RIC1: variants seen among roughly 807,000 people sequenced by gnomAD.
RIC1 encodes the protein guanine nucleotide exchange factor subunit RIC1.
Under a neutral mutation model 169.0 loss-of-function variants are expected in RIC1, and 88 were observed. The ratio of observed to expected loss-of-function variants is 0.52; its 90% CI spans 0.44 to 0.62. RIC1 has a LOEUF of 0.62. Among genes scored for constraint, RIC1 ranks in the 20% least tolerant of loss-of-function variants. The pLI is 0.00. For missense variants in RIC1, 1,877 were observed against 1,725.5 expected, an observed-to-expected ratio of 1.09 and a Z score of -1.56; for synonymous variants, 790 against 601.5, an observed-to-expected ratio of 1.31 and a Z score of -4.59.
intron 7 of RIC1, among the ~76,000 whole-genome samples, chr9:5,736,345 G>A (rs1043155983): frequency 6.6e-6 from 1 of 152,110 alleles, no homozygotes; most frequent in Non-Finnish European, 1.5e-5. Flanking sequence ...CCAAGAAAAC[G>A]GACAAAAATA....
chr9:5,698,998 A>G (rs79554565), intron 3 of RIC1, among the ~76,000 whole-genome samples: 1 of 152,230 alleles, frequency 6.6e-6, no homozygotes, highest in Non-Finnish European at 1.5e-5. Context: ...AGATTGAGTC[A>G]TGTATCAAAT....
At chr9:5,649,620 C>T (rs1265005761) in intron 1 of RIC1, among the ~76,000 whole-genome samples, 1 of 151,960 alleles carries the variant, frequency 6.6e-6, no homozygotes, top group East Asian at 1.9e-4. Context: ...TGTTCTCTAT[C>T]TCACTGAGTG....
At chr9:5,698,122 C>G (rs1319308708) in intron 3 of RIC1, among the ~76,000 whole-genome samples, 2 of 152,202 alleles carry the variant, frequency 1.3e-5, no homozygotes, top group Non-Finnish European at 2.9e-5. Flanking sequence ...TTTTCTTTAG[C>G]TGGCACTTAA....
In RIC1 at chr9:5,687,297, T is replaced by A. The variant is rs184729987; in HGVS notation, c.253-2662T>A. ...CAAAAGAACCCCAGATTTTTATTCA[T>A]TGATTTTATTTTTCTGTTTTCTATT... is the stretch of plus-strand genomic sequence containing the variant. On this transcript the variant is annotated intron_variant, in intron 2 of 25. Coordinates refer to ENST00000414202, the MANE Select transcript of RIC1 (RefSeq NM_020829.4). Among the ~76,000 whole-genome samples, 691 of 152,268 alleles carry A rather than the reference T, an allele frequency of 4.5e-3. 19 individuals carry two copies. Among genetic ancestry groups the A allele is most frequent in the Admixed American group, 0.043 (658 of 15,294 alleles).
intron 2 of RIC1, among the ~76,000 whole-genome samples, chr9:5,677,845 T>G (rs1022366067): frequency 6.6e-6 from 1 of 152,160 alleles, no homozygotes; most frequent in Non-Finnish European, 1.5e-5. Flanking sequence ...TTACTCTTTT[T>G]TTTTAAATTT....
intron 2 of RIC1, among the ~76,000 whole-genome samples, chr9:5,662,147 A>G (rs1819490021): frequency 1.3e-5 from 2 of 152,212 alleles, no homozygotes; most frequent in Admixed American, 1.3e-4. Flanking sequence ...TGAATTGTGT[A>G]TGTTGAACCA....
At chr9:5,707,482 A>G (rs1822660779) in intron 3 of RIC1, among the ~76,000 whole-genome samples, 1 of 152,154 alleles carries the variant, frequency 6.6e-6, no homozygotes, top group Non-Finnish European at 1.5e-5. Flanking sequence ...AGTCTCCAAC[A>G]TTATTACACA....
intron 2 of RIC1, among the ~76,000 whole-genome samples, chr9:5,673,841 A>T (rs1056653173): frequency 2.0e-5 from 3 of 152,082 alleles, no homozygotes; most frequent in African/African-American, 7.2e-5. Context: ...TTAGAATCCA[A>T]TGCAGACATT....
chr9:5,684,294 C>A (rs1048583118), intron 2 of RIC1, among the ~76,000 whole-genome samples: 1 of 31,678 alleles, frequency 3.2e-5, no homozygotes, highest in African/African-American at 8.0e-5. Context: ...CCCCCCCCCC[C>A]CCCCCCCGCC....
At chr9:5,641,677 C>T (rs1228027179) in intron 1 of RIC1, among the ~76,000 whole-genome samples, 1 of 115,308 alleles carries the variant, frequency 8.7e-6, no homozygotes, top group African/African-American at 5.2e-5. Context: ...CTAATTCTTT[C>T]TTCTGCTTGA....
chr9:5,766,742 C>T (rs1237428060), intron 21 of RIC1, among the ~76,000 whole-genome samples: 2 of 152,188 alleles, frequency 1.3e-5, no homozygotes, highest in Admixed American at 6.5e-5. Flanking sequence ...TTTATCCACT[C>T]GTTGACTGAT....
intron 2 of RIC1, among the ~76,000 whole-genome samples, chr9:5,681,460 A>G (rs956066865): frequency 6.6e-6 from 1 of 152,026 alleles, no homozygotes; most frequent in Non-Finnish European, 1.5e-5. Flanking sequence ...GTTTTGAGTG[A>G]GTTTCTTAAT....
At chr9:5,722,748 C>T (rs771453250) in intron 6 of RIC1, among the ~76,000 whole-genome samples, 1 of 152,116 alleles carries the variant, frequency 6.6e-6, no homozygotes, top group African/African-American at 2.4e-5. Context: ...TGATGTTCCC[C>T]ACCTTGTGTC....
chr9:5,684,479 C>T (rs1380509893), intron 2 of RIC1, among the ~76,000 whole-genome samples: 1 of 152,052 alleles, frequency 6.6e-6, no homozygotes, highest in Non-Finnish European at 1.5e-5. Flanking sequence ...AGTATTTCAT[C>T]TCTTTTGCCA....
At position 5,732,423 on chromosome 9, in the gene RIC1, C is replaced by G; in HGVS notation, c.756C>G (p.Asp252Glu). The G allele has an allele frequency of 6.2e-7, 1 of 1,610,886 alleles. No homozygotes were observed. Among genetic ancestry groups the G allele is most frequent in the East Asian group, 2.2e-5 (1 of 44,688 alleles). Reference protein sequence around the residue: ...LHGVWPQDVVDGTCVAVNNKY... With the variant: ...LHGVWPQDVVEGTCVAVNNKY... ...GAGTTTGGCCACAAGATGTTGTTGA[C>G]GGAACGTGTGTAGCAGTAAATAACA... Residue 252 changes from aspartate (D) to glutamate (E), a missense_variant, in exon 7 of 26, where the codon GAC becomes GAG. By Grantham distance (45) the Asp-to-Glu change is conservative. Around this residue, in one of 3 missense-constraint regions of RIC1, gnomAD observed 1,104 missense variants for 992.0 expected, o/e 1.11. Transcript: ENST00000414202.
Position 5,720,720 on chromosome 9 carries a change from T to C in RIC1, c.690T>C (p.Ile230=), listed in dbSNP as rs1396346926. Residue 230 remains isoleucine (I), a synonymous_variant, in exon 6 of 26, where the codon ATT becomes ATC. Coordinates refer to ENST00000414202, the MANE Select transcript of RIC1 (RefSeq NM_020829.4). Reference sequence around the variant, plus strand: ...TTAATGATGGTAAAGTTGGATTTATTACACCAGTGTCAAGTAGATTTACTG... The same window carrying C: ...TTAATGATGGTAAAGTTGGATTTATCACACCAGTGTCAAGTAGATTTACTG... ...VVFNDGKVGF[I]TPVSSRFTAE... 2.5e-6 allele frequency: 4 copies of C among 1,611,140 alleles called. No individual in the cohort carries two copies. Among genetic ancestry groups the C allele is most frequent in the Non-Finnish European group, 2.5e-6 (3 of 1,178,896 alleles).
In RIC1 at chr9:5,753,612, C is replaced by A. The variant is rs781539842; in HGVS notation, c.1568C>A (p.Thr523Asn). Residue 523 changes from threonine to asparagine, a missense_variant, in exon 14 of 26, where the codon ACC becomes AAC. Transcript: ENST00000414202. ...KFGFAHYSLL[T>N]KKWKLFGNIT... is the part of the protein sequence containing the mutation. The stretch of plus-strand genomic sequence containing the variant: ...GGTTTTGCACATTACTCTTTACTCA[C>A]CAAAAAATGGAAACTTTTTGGAAAC... The A allele has an allele frequency of 1.2e-6, 2 of 1,606,116 alleles. No homozygotes were observed. The highest frequency in any genetic ancestry group is 1.7e-4 in the Middle Eastern group (1 of 6,034).
chr9:5,656,694 A>C lies in RIC1; in HGVS notation c.252+4A>C. 7.2e-6 allele frequency: 11 copies of C among 1,523,906 alleles called. No individual in the cohort carries two copies. The highest frequency in any genetic ancestry group is 9.9e-6 in the Non-Finnish European group (11 of 1,107,334). The allele number at this position is 1,523,906 out of a possible 1,614,324, so 94.4% of individuals were successfully genotyped here. ...TAGTACCATGATAGCTGTATCAGTAAGTAGATTTTACCGCTAAATAGTGTT... is the reference window on the plus strand; with the variant it reads ...TAGTACCATGATAGCTGTATCAGTACGTAGATTTTACCGCTAAATAGTGTT... On this transcript the variant is annotated splice_donor_region_variant and intron_variant, in intron 2 of 25. Transcript: ENST00000414202.
intron 3 of RIC1, among the ~76,000 whole-genome samples, chr9:5,701,550 C>T (rs1053320613): frequency 5.3e-5 from 8 of 150,848 alleles, no homozygotes; most frequent in Non-Finnish European, 1.2e-4. Context: ...GCCGAGATTG[C>T]ACCACTGCAC....
Sources: gnomAD v4.1 joint callset for allele counts (sites outside exome capture counted in the v4.1 genomes callset) on GRCh38, gnomAD v4.1.1 for gene constraint, gnomAD v4.1.1 regional missense constraint, MANE v1.5 for transcripts, NCBI Gene and HGNC (gene_info 2026-07-23, HGNC 2026-07-21) for gene names.